Variants in PRKG1 observed in about 807,000 individuals in gnomAD.
The protein encoded by PRKG1 is protein kinase cGMP-dependent 1, also known as cGMP-dependent protein kinase 1.
A neutral mutation model predicts 88.1 loss-of-function variants in PRKG1; 35 were observed. The observed-to-expected ratio is 0.40, with a 90% CI of 0.30 to 0.53. The LOEUF (loss-of-function observed/expected upper bound fraction) is 0.53. Ranked by LOEUF, PRKG1 falls within the 20% of genes least tolerant of loss-of-function variation. The probability of loss-of-function intolerance (pLI) is 0.59; values close to 1 mark genes in which losing one functional copy is unlikely to be tolerated. For synonymous variants in PRKG1, 303 were observed against 292.5 expected, an observed-to-expected ratio of 1.04 and a Z score of -0.37; for missense variants, 540 against 839.8, an observed-to-expected ratio of 0.64 and a Z score of 4.41.
At chr10:52,240,718 A>G (rs775303721) in intron 9 of PRKG1, among the ~76,000 whole-genome samples, 3 of 152,006 alleles carry the variant, frequency 2.0e-5, no homozygotes, top group Non-Finnish European at 4.4e-5. Flanking sequence ...ATTTTGCTCC[A>G]TTTTATTCTT....
At chr10:51,974,991 A>G (rs1331812917) in intron 5 of PRKG1, among the ~76,000 whole-genome samples, 4 of 152,086 alleles carry the variant, frequency 2.6e-5, no homozygotes, top group Non-Finnish European at 4.4e-5. Flanking sequence ...GAATAGTAGG[A>G]AATAAGAAAA....
chr10:52,061,713 C>T (rs1461103709), intron 6 of PRKG1, among the ~76,000 whole-genome samples: 1 of 151,834 alleles, frequency 6.6e-6, no homozygotes, highest in Non-Finnish European at 1.5e-5. Flanking sequence ...CTTTTAAGGG[C>T]ATTTTATTTA....
intron 3 of PRKG1, chr10:51,699,635 G>C: frequency 6.8e-7 from 1 of 1,474,564 alleles, no homozygotes; most frequent in Non-Finnish European, 9.1e-7. Context: ...CAACGGAAGC[G>C]GCTTTCAAGA....
chr10:52,230,370 T>C (rs371130426), intron 9 of PRKG1, among the ~76,000 whole-genome samples: 12 of 152,324 alleles, frequency 7.9e-5, no homozygotes, highest in East Asian at 5.8e-4. Context: ...CCATGAAAAA[T>C]AATGATCATC....
chr10:51,244,713 A>G (rs1839242769), intron 2 of PRKG1, among the ~76,000 whole-genome samples: 1 of 152,122 alleles, frequency 6.6e-6, no homozygotes, highest in African/African-American at 2.4e-5. Context: ...TCTTAACATA[A>G]AAAATTATCC....
intron 8 of PRKG1, among the ~76,000 whole-genome samples, chr10:52,147,601 C>T (rs113104899): frequency 8.5e-5 from 13 of 152,136 alleles, no homozygotes; most frequent in African/African-American, 2.9e-4. Context: ...AACTGGAAAG[C>T]GTGGTTGTGT....
At chr10:51,374,093 A>AAAAAAATATATAGATATATATATATATAT in intron 2 of PRKG1, among the ~76,000 whole-genome samples, 1 of 100,144 alleles carries the variant, frequency 1.0e-5, no homozygotes, top group African/African-American at 3.4e-5. Context: ...AAAAAAAAAA[A>AAAAAAATATATAGATATATATATATATAT]ATATATATAT....
chr10:51,713,630 G>A (rs927941655), intron 3 of PRKG1, among the ~76,000 whole-genome samples: 3 of 152,160 alleles, frequency 2.0e-5, no homozygotes, highest in Non-Finnish European at 4.4e-5. Flanking sequence ...AGAAAAACAC[G>A]TAAAACAGCA....
At chr10:52,018,521 A>G (rs1845100301) in intron 5 of PRKG1, among the ~76,000 whole-genome samples, 1 of 152,214 alleles carries the variant, frequency 6.6e-6, no homozygotes, top group African/African-American at 2.4e-5. Context: ...TGATTCTTGT[A>G]CCAGATTAGC....
intron 3 of PRKG1, among the ~76,000 whole-genome samples, chr10:51,783,034 G>A (rs1838634422): frequency 6.6e-6 from 1 of 151,896 alleles, no homozygotes; most frequent in Non-Finnish European, 1.5e-5. Flanking sequence ...GTACATTTAA[G>A]TTTGTGATAC....
At chr10:51,077,100 A>G (rs545742033) in intron 1 of PRKG1, among the ~76,000 whole-genome samples, 28 of 152,374 alleles carry the variant, frequency 1.8e-4, no homozygotes, top group African/African-American at 6.7e-4. Context: ...AAAAAGAAGT[A>G]CATTGTATGC....
intron 3 of PRKG1, among the ~76,000 whole-genome samples, chr10:51,603,693 A>C (rs1223334641): frequency 2.0e-5 from 3 of 152,244 alleles, no homozygotes; most frequent in Admixed American, 6.5e-5. Context: ...AAGTAGAGAA[A>C]GGCTTCATGC....
chr10:51,372,326 C>T (rs373291517), intron 2 of PRKG1, among the ~76,000 whole-genome samples: 8 of 152,032 alleles, frequency 5.3e-5, no homozygotes, highest in African/African-American at 1.9e-4. Flanking sequence ...TTTTAAATAT[C>T]TTTTTGCTAA....
chr10:52,136,487 C>T (rs1267130628), intron 8 of PRKG1, among the ~76,000 whole-genome samples: 1 of 151,940 alleles, frequency 6.6e-6, no homozygotes, highest in East Asian at 1.9e-4. Context: ...TTTCCCTAAT[C>T]CTAATTTTCT....
chr10:51,034,671 TATATATATATATATATA>T (rs1843330685), intron 1 of PRKG1, among the ~76,000 whole-genome samples: 39 of 44,422 alleles, frequency 8.8e-4, no homozygotes, highest in African/African-American at 2.0e-3. Flanking sequence ...ATGTTATTTA[TATATATATATATATATA>T]TATATATATA....
At chr10:51,704,997 A>G (rs1841570519) in intron 3 of PRKG1, among the ~76,000 whole-genome samples, 2 of 152,148 alleles carry the variant, frequency 1.3e-5, no homozygotes. Flanking sequence ...TTCTTCCTAC[A>G]TATAACACAC....
intron 1 of PRKG1, among the ~76,000 whole-genome samples, chr10:51,118,429 G>A (rs1431517382): frequency 6.6e-6 from 1 of 152,086 alleles, no homozygotes; most frequent in Non-Finnish European, 1.5e-5. Context: ...TAAAAGTAAT[G>A]TTTGAATTCA....
At chr10:51,888,058 A>C (rs1841617590) in intron 4 of PRKG1, among the ~76,000 whole-genome samples, 1 of 152,232 alleles carries the variant, frequency 6.6e-6, no homozygotes, top group African/African-American at 2.4e-5. Context: ...AACAAAAAAC[A>C]CACAAAAGAA....
intron 2 of PRKG1, among the ~76,000 whole-genome samples, chr10:51,463,198 GT>G (rs373391792): frequency 0.02 from 3,086 of 151,162 alleles, 23 homozygotes; most frequent in African/African-American, 0.025. Flanking sequence ...AATGTCTTCT[GT>G]TTTTTTTTAA....
Sources: gnomAD v4.1 joint callset for allele counts (sites outside exome capture counted in the v4.1 genomes callset) on GRCh38, gnomAD v4.1.1 for gene constraint, MANE v1.5 for transcripts, NCBI Gene and HGNC (gene_info 2026-07-23, HGNC 2026-07-21) for gene names.